Variants in PELI2 observed in about 807,000 individuals in gnomAD.
The protein encoded by PELI2 is pellino E3 ubiquitin protein ligase family member 2, also known as E3 ubiquitin-protein ligase pellino homolog 2.
Under a neutral mutation model 42.3 loss-of-function variants are expected in PELI2, and 23 were observed. That is an observed-to-expected ratio of 0.54 (90% CI 0.39 to 0.77). The LOEUF is 0.77. Among genes scored for constraint, PELI2 ranks in the 30% least tolerant of loss-of-function variants. The pLI is 0.00. For synonymous variants in PELI2, 245 were observed against 212.2 expected (o/e 1.15, Z -1.34); for missense variants, 463 against 553.2 (o/e 0.84, Z 1.64).
chr14:56,142,056 C>T (rs190429881), intron 1 of PELI2, among the ~76,000 whole-genome samples: 46 of 152,230 alleles, frequency 3.0e-4, no homozygotes, highest in African/African-American at 1.1e-3. Context: ...TGATTTGAGT[C>T]TGCCTATCCC....
At chr14:56,203,851 C>T (rs770813307) in intron 2 of PELI2, among the ~76,000 whole-genome samples, 14 of 152,044 alleles carry the variant, frequency 9.2e-5, no homozygotes, top group Non-Finnish European at 1.3e-4. Flanking sequence ...TGGAGAAAAT[C>T]GGTGACTTTT....
At chr14:56,173,555 C>T (rs937865258) in intron 1 of PELI2, among the ~76,000 whole-genome samples, 8 of 152,162 alleles carry the variant, frequency 5.3e-5, no homozygotes, top group Non-Finnish European at 8.8e-5. Context: ...TTGGTAACAA[C>T]AACAGATGTT....
At chr14:56,259,895 A>C (rs1251485442) in intron 2 of PELI2, among the ~76,000 whole-genome samples, 1 of 152,186 alleles carries the variant, frequency 6.6e-6, no homozygotes, top group Non-Finnish European at 1.5e-5. Context: ...TGAAATACTT[A>C]TGGATAAATT....
Position 56,296,767 on chromosome 14 carries a change from C to G in PELI2, c.864C>G (p.Leu288=). 2 of 1,614,084 alleles carry G rather than the reference C, an allele frequency of 1.2e-6. No individual in the cohort carries two copies. The highest frequency in any genetic ancestry group is 1.7e-6 in the Non-Finnish European group (2 of 1,180,004). ...NAARPQCPVG[L]NTLAFPSINR... ...CCCGGCCTCAGTGTCCTGTGGGGCT[C>G]AACACCCTGGCCTTCCCCAGCATCA... Residue 288 remains leucine (L), a synonymous_variant, in exon 6 of 6, where the codon CTC becomes CTG. Transcript: ENST00000267460.
intron 2 of PELI2, among the ~76,000 whole-genome samples, chr14:56,241,330 A>G (rs1183268186): frequency 6.6e-6 from 1 of 152,228 alleles, no homozygotes; most frequent in East Asian, 1.9e-4. Flanking sequence ...GAAAAAGAAT[A>G]TTTGGGAAAT....
intron 1 of PELI2, among the ~76,000 whole-genome samples, chr14:56,131,759 G>A (rs773957416): frequency 9.9e-5 from 15 of 152,134 alleles, no homozygotes; most frequent in African/African-American, 2.7e-4. Context: ...ACTCCTTACC[G>A]CCTTTAGTCA....
chr14:56,287,772 A>G (rs1212849304), intron 3 of PELI2, among the ~76,000 whole-genome samples: 1 of 152,234 alleles, frequency 6.6e-6, no homozygotes, highest in Non-Finnish European at 1.5e-5. Flanking sequence ...CCAGGAAGCA[A>G]GCTGAGCTAA....
chr14:56,244,450 T>C lies in PELI2; in HGVS notation c.208-35226T>C, dbSNP rs138741661. ...ACACGAGGGAGAAATGTTCAGTGAC[T>C]TTCTGTAATCTTTGTCGTTGAAACC... On this transcript the variant is annotated intron_variant, in intron 2 of 5. Transcript: ENST00000267460. 1.8e-3 allele frequency among the ~76,000 whole-genome samples: 268 copies of C among 152,348 alleles called. 1 individual carries two copies. Among genetic ancestry groups the C allele is most frequent in the Non-Finnish European group, 2.7e-3 (181 of 68,048 alleles).
At chr14:56,293,282 T>C (rs954449390) in intron 5 of PELI2, among the ~76,000 whole-genome samples, 1 of 152,208 alleles carries the variant, frequency 6.6e-6, no homozygotes, top group Non-Finnish European at 1.5e-5. Context: ...TCCACAATAC[T>C]GTCAATTCCT....
chr14:56,265,951 G>C (rs1462097633), intron 2 of PELI2, among the ~76,000 whole-genome samples: 1 of 151,932 alleles, frequency 6.6e-6, no homozygotes, highest in Non-Finnish European at 1.5e-5. Context: ...TCCAAAAGTT[G>C]GCAGGATTGG....
rs1391121898 is a variant in PELI2 at position 56,300,261 on chromosome 14, G to A, written c.*3095G>A. On this transcript the variant is annotated 3_prime_UTR_variant, in exon 6 of 6. Coordinates refer to ENST00000267460, the MANE Select transcript of PELI2 (RefSeq NM_021255.3). ...GGTTTAAAGAAAGGAGAAAGCCATT[G>A]GAAAAATGATGGGCTCCATTAAGGA... The A allele has an allele frequency of 6.6e-6, 1 of 152,594 alleles. No individual in the cohort carries two copies. Among genetic ancestry groups the A allele is most frequent in the Non-Finnish European group, 1.5e-5 (1 of 68,032 alleles). The allele number at this position is 152,594 out of a possible 1,614,324, so 9.5% of individuals were successfully genotyped here. A position where few individuals can be genotyped will look rare whatever the true frequency, so the allele number is the denominator to read the frequency against.
intron 2 of PELI2, among the ~76,000 whole-genome samples, chr14:56,275,322 C>T (rs149996182): frequency 5.3e-3 from 802 of 152,296 alleles, no homozygotes; most frequent in Non-Finnish European, 8.5e-3. Flanking sequence ...AACAATTTCT[C>T]CACGGACCGG....
At chr14:56,146,768 A>G (rs891084739) in intron 1 of PELI2, among the ~76,000 whole-genome samples, 8 of 152,080 alleles carry the variant, frequency 5.3e-5, no homozygotes, top group Admixed American at 4.6e-4. Flanking sequence ...TTATAACATT[A>G]TAAGATAAAG....
At chr14:56,290,563 C>A in intron 5 of PELI2, 107 bp downstream of exon 5, 1 of 700,350 alleles carries the variant, frequency 1.4e-6, no homozygotes, top group Non-Finnish European at 2.2e-6. Context: ...CAGGTCCAAG[C>A]GCCATGTACT....
intron 2 of PELI2, among the ~76,000 whole-genome samples, chr14:56,205,882 A>C (rs1050142006): frequency 2.6e-5 from 4 of 152,304 alleles, no homozygotes; most frequent in Admixed American, 2.6e-4. Flanking sequence ...AATACAGCTG[A>C]AATAAAAGGC....
chr14:56,232,874 C>A (rs981782414), intron 2 of PELI2, among the ~76,000 whole-genome samples: 1 of 151,910 alleles, frequency 6.6e-6, no homozygotes, highest in Non-Finnish European at 1.5e-5. Context: ...CATCTCAGCC[C>A]AAAATCTCCT....
At chr14:56,209,225 A>T (rs1366793966) in intron 2 of PELI2, among the ~76,000 whole-genome samples, 1 of 152,240 alleles carries the variant, frequency 6.6e-6, no homozygotes, top group East Asian at 1.9e-4. Context: ...AAGCTCATTG[A>T]TGTAGTTTCA....
In PELI2 at chr14:56,210,487, G is replaced by A. The variant is rs1886675919; in HGVS notation, c.207+32023G>A. Among the ~76,000 whole-genome samples, 3 of 152,000 alleles carry A rather than the reference G, an allele frequency of 2.0e-5. No homozygotes were observed. The South Asian group carries it at 6.2e-4, about 32-fold the overall frequency. ...TTAAGTTAAAAATTTAAAAATCAGA[G>A]GGAAAATCCTAGAGACGAATAGGGA... On this transcript the variant is annotated intron_variant, in intron 2 of 5. Transcript: ENST00000267460.
chr14:56,174,361 T>G (rs2139661033), intron 1 of PELI2, among the ~76,000 whole-genome samples: 1 of 152,352 alleles, frequency 6.6e-6, no homozygotes, highest in East Asian at 1.9e-4. Flanking sequence ...TGTGATTACT[T>G]TATATTTCCA....
Sources: allele counts gnomAD v4.1 joint callset (sites outside exome capture counted in the v4.1 genomes callset), GRCh38; gene constraint gnomAD v4.1.1; transcripts MANE v1.5; gene names NCBI Gene and HGNC (gene_info 2026-07-23, HGNC 2026-07-21).